Variants in TP63 observed in about 807,000 individuals in gnomAD.
TP63 encodes tumor protein p63.
In TP63, 17 loss-of-function variants were observed where a neutral mutation model predicts 82.8. The ratio of observed to expected loss-of-function variants is 0.21; its 90% CI spans 0.14 to 0.31. TP63 has a LOEUF of 0.31. Among genes scored for constraint, TP63 ranks in the 10% least tolerant of loss-of-function variants. The pLI, the probability that TP63 is intolerant of heterozygous loss-of-function variation, is 1.00. For missense variants in TP63, 648 were observed against 895.3 expected, an observed-to-expected ratio of 0.72 and a Z score of 3.52; for synonymous variants, 330 against 321.7, an observed-to-expected ratio of 1.03 and a Z score of -0.28.
chr3:189,840,359 C>CTTTTTTTTTTTTTTTTTTTTTT, intron 4 of TP63, among the ~76,000 whole-genome samples: 1 of 44,448 alleles, frequency 2.2e-5, no homozygotes, highest in African/African-American at 1.1e-4. Context: ...TGCTTTTCGT[C>CTTTTTTTTTTTTTTTTTTTTTT]TTTTTTTTTT....
intron 4 of TP63, among the ~76,000 whole-genome samples, chr3:189,824,258 C>A (rs1729103445): frequency 6.6e-6 from 1 of 151,770 alleles, no homozygotes; most frequent in Non-Finnish European, 1.5e-5. Flanking sequence ...GCTCCGTCAC[C>A]CAGGCTGGAG....
chr3:189,739,199 T>G (rs1720806212), intron 3 of TP63, among the ~76,000 whole-genome samples: 1 of 152,216 alleles, frequency 6.6e-6, no homozygotes, highest in Admixed American at 6.5e-5. Context: ...CATTGCAACC[T>G]CTGCTTCCCT....
At position 189,655,761 on chromosome 3, in the gene TP63, A is replaced by G. The variant is rs145973122; in HGVS notation, c.62+24184A>G. On this transcript the variant is annotated intron_variant, in intron 1 of 13. Coordinates refer to ENST00000264731, the MANE Select transcript of TP63 (RefSeq NM_003722.5). ...TTGTTTGAGGCTGTGTAGACTATCT[A>G]TCTTAACAGTGAGAAACCCCTTGAC... Among the ~76,000 whole-genome samples, 173 of 152,342 alleles carry G rather than the reference A, an allele frequency of 1.1e-3. 1 individual carries two copies. Among genetic ancestry groups the G allele is most frequent in the Admixed American group, 9.0e-3 (138 of 15,302 alleles).
chr3:189,652,477 T>G (rs1712977565), intron 1 of TP63, among the ~76,000 whole-genome samples: 1 of 147,192 alleles, frequency 6.8e-6, no homozygotes, highest in Non-Finnish European at 1.5e-5. Flanking sequence ...GTAACTAGCT[T>G]GCTTTTAATT....
At chr3:189,697,873 A>G (rs1287730912) in intron 1 of TP63, among the ~76,000 whole-genome samples, 2 of 140,004 alleles carry the variant, frequency 1.4e-5, no homozygotes, top group Admixed American at 7.4e-5. Context: ...CAATTTCTGT[A>G]TATTACCCTT....
chr3:189,857,178 T>C (rs928918630), intron 4 of TP63, among the ~76,000 whole-genome samples: 2 of 152,016 alleles, frequency 1.3e-5, no homozygotes, highest in African/African-American at 2.4e-5. Flanking sequence ...GATAGACAAA[T>C]AGATCAATAG....
At chr3:189,775,316 G>GAAGA (rs1723712564) in intron 3 of TP63, among the ~76,000 whole-genome samples, 1 of 151,338 alleles carries the variant, frequency 6.6e-6, no homozygotes, top group African/African-American at 2.4e-5. Context: ...AGTCCACTGT[G>GAAGA]TTAACTTGTT....
At position 189,699,957 on chromosome 3, in the gene TP63, T is replaced by G. The variant is rs536894977; in HGVS notation, c.63-37783T>G. Among the ~76,000 whole-genome samples the G allele has an allele frequency of 1.1e-4, 16 of 152,340 alleles. No homozygotes were observed. In the East Asian group the frequency reaches 3.1e-3, roughly 29 times the overall value. The stretch of plus-strand genomic sequence containing the variant: ...ATTTATCTCAGCTTTGGCAGTATCT[T>G]GTTTTAGAAACAAAAGAGTTATGTG... On this transcript the variant is annotated intron_variant, in intron 1 of 13. Transcript: ENST00000264731.
chr3:189,708,250 A>G (rs1276200991), intron 1 of TP63, among the ~76,000 whole-genome samples: 2 of 152,228 alleles, frequency 1.3e-5, no homozygotes, highest in Non-Finnish European at 2.9e-5. Flanking sequence ...GTTTCAGCAA[A>G]CAATGTCTCT....
At position 189,786,446 on chromosome 3, in the gene TP63, AACACACACACAC is replaced by A. The variant is rs59747587; in HGVS notation, c.325-21801_325-21790del. Among the ~76,000 whole-genome samples the A allele has an allele frequency of 9.7e-3, 1,424 of 147,108 alleles. 22 individuals are homozygous for A. The highest frequency in any genetic ancestry group is 0.033 in the African/African-American group (1,304 of 39,940). On this transcript the variant is annotated intron_variant, in intron 3 of 13. Transcript: ENST00000264731. ...AAATTTGAAAGACCAGACATACCTA[AACACACACACAC>A]ACACACACACACACACACACACACG...
the TP63 span, among the ~76,000 whole-genome samples, chr3:189,599,256 GGCCAATTTCTTGTTA>G: frequency 5.3e-5 from 8 of 151,894 alleles, no homozygotes; most frequent in Admixed American, 5.2e-4. Flanking sequence ...TTTAGCTTTT[GGCCAATTTCTTGTTA>G]CAACCAGCCA....
intron 1 of TP63, among the ~76,000 whole-genome samples, chr3:189,674,594 A>G (rs906261719): frequency 2.0e-5 from 3 of 152,150 alleles, no homozygotes; most frequent in Admixed American, 6.6e-5. Flanking sequence ...GAAATCTGCA[A>G]TATTTATCCA....
upstream of TP63, chr3:189,631,232 C>G (rs556771155): frequency 1.0e-6 from 1 of 985,180 alleles, no homozygotes; most frequent in African/African-American, 1.7e-5. Context: ...ACTCTGAAGC[C>G]GTGAGAGAGG....
At chr3:189,859,663 C>G (rs1249819391) in intron 4 of TP63, among the ~76,000 whole-genome samples, 1 of 152,154 alleles carries the variant, frequency 6.6e-6, no homozygotes, top group Non-Finnish European at 1.5e-5. Context: ...TAAGCATACA[C>G]TTACCCAGCA....
chr3:189,666,168 T>G (rs1714376276), intron 1 of TP63, among the ~76,000 whole-genome samples: 1 of 152,076 alleles, frequency 6.6e-6, no homozygotes, highest in Non-Finnish European at 1.5e-5. Flanking sequence ...TAAGCACATT[T>G]CCAATTATAA....
chr3:189,611,279 T>G, the TP63 span, among the ~76,000 whole-genome samples: 3 of 152,198 alleles, frequency 2.0e-5, no homozygotes, highest in Non-Finnish European at 4.4e-5. Context: ...AGTTTTGGGT[T>G]TTACATTGAA....
At chr3:189,698,326 A>G (rs1920238) in intron 1 of TP63, among the ~76,000 whole-genome samples, 38,885 of 151,984 alleles carry the variant, frequency 0.26, 5,672 homozygotes, top group East Asian at 0.58. Flanking sequence ...ATGTGAGTGA[A>G]TAATTTTTAA....
At position 189,897,185 on chromosome 3, in the gene TP63, C is replaced by T. The variant is rs1355327700; in HGVS notation, c.*2683C>T. 9.2e-6 allele frequency: 2 copies of T among 217,564 alleles called. No homozygotes were observed. The highest frequency in any genetic ancestry group is 1.9e-5 in the Non-Finnish European group (2 of 108,056). The allele number at this position is 217,564 out of a possible 1,614,324, so 13.5% of individuals were successfully genotyped here. On this transcript the variant is annotated 3_prime_UTR_variant, in exon 14 of 14. Coordinates refer to ENST00000264731, the MANE Select transcript of TP63 (RefSeq NM_003722.5). ...GTCTTCTGGTACTTTCTGTTATGGG[C>T]TTTTGGGGAGCCAGAAGCCAATCTA...
intron 1 of TP63, among the ~76,000 whole-genome samples, chr3:189,671,155 A>G (rs546282617): frequency 1.3e-5 from 2 of 152,236 alleles, no homozygotes; most frequent in South Asian, 2.1e-4. Context: ...AATATCCAGA[A>G]TATACGAAAA....
Sources: gnomAD v4.1 joint callset for allele counts (sites outside exome capture counted in the v4.1 genomes callset) on GRCh38, gnomAD v4.1.1 for gene constraint, MANE v1.5 for transcripts, NCBI Gene and HGNC (gene_info 2026-07-23, HGNC 2026-07-21) for gene names.